SPIN1: variants seen among roughly 807,000 people sequenced by gnomAD.
SPIN1 encodes spindlin-1.
A neutral mutation model predicts 26.0 loss-of-function variants in SPIN1; 3 were observed. The ratio of observed to expected loss-of-function variants is 0.12; its 90% CI spans 0.05 to 0.30. The LOEUF (loss-of-function observed/expected upper bound fraction) is 0.30. Among genes scored for constraint, SPIN1 ranks in the 10% least tolerant of loss-of-function variants. The pLI is 1.00. For synonymous variants in SPIN1, 101 were observed against 116.5 expected (o/e 0.87, Z 0.86); for missense variants, 126 against 333.4 (o/e 0.38, Z 4.84).
chr9:88,447,375 A>C (rs538847098), intron 2 of SPIN1, among the ~76,000 whole-genome samples: 1 of 152,082 alleles, frequency 6.6e-6, no homozygotes, highest in Non-Finnish European at 1.5e-5. Flanking sequence ...ACAATCTGCT[A>C]CTTTTTTTTG....
At chr9:88,421,866 A>G (rs139523398) in intron 1 of SPIN1, among the ~76,000 whole-genome samples, 548 of 149,872 alleles carry the variant, frequency 3.7e-3, no homozygotes, top group Non-Finnish European at 6.3e-3. Context: ...GCTTGACTAG[A>G]TTTTTTTTTT....
chr9:88,390,029 AAAG>A (rs1396288803), intron 1 of SPIN1, among the ~76,000 whole-genome samples: 1 of 152,208 alleles, frequency 6.6e-6, no homozygotes, highest in Admixed American at 6.5e-5. Flanking sequence ...TTAAGGTTGT[AAAG>A]AATGTGTATG....
intron 1 of SPIN1, chr9:88,411,322 T>G: frequency 7.0e-7 from 1 of 1,434,602 alleles, no homozygotes; most frequent in Non-Finnish European, 9.7e-7. Context: ...TGTTTGGATC[T>G]CTCATTACCA....
At chr9:88,397,862 G>C (rs916361789) in intron 1 of SPIN1, among the ~76,000 whole-genome samples, 4 of 151,536 alleles carry the variant, frequency 2.6e-5, no homozygotes, top group Admixed American at 2.0e-4. Context: ...GACCTCAAGT[G>C]ATCTGCCCTC....
At chr9:88,420,264 C>G (rs1827644897) in intron 1 of SPIN1, among the ~76,000 whole-genome samples, 1 of 152,172 alleles carries the variant, frequency 6.6e-6, no homozygotes, top group Non-Finnish European at 1.5e-5. Context: ...AATCCCAGCT[C>G]CTCGGAAGGC....
chr9:88,423,671 C>A (rs1312860347), intron 1 of SPIN1, among the ~76,000 whole-genome samples: 1 of 151,818 alleles, frequency 6.6e-6, no homozygotes. Flanking sequence ...CCACCTCGGT[C>A]CCCCAAAGTG....
chr9:88,447,441 G>A (rs1002066780), intron 2 of SPIN1, among the ~76,000 whole-genome samples: 48 of 152,048 alleles, frequency 3.2e-4, no homozygotes, highest in African/African-American at 1.1e-3. Context: ...GTTGAGTGTT[G>A]GGACTTTGTT....
At chr9:88,465,918 T>G (rs552663531) in intron 4 of SPIN1, among the ~76,000 whole-genome samples, 1 of 152,340 alleles carries the variant, frequency 6.6e-6, no homozygotes, top group African/African-American at 2.4e-5. Context: ...AAAGCAGATA[T>G]GAGAATCTAC....
chr9:88,404,873 G>T (rs998757661), intron 1 of SPIN1, among the ~76,000 whole-genome samples: 4 of 148,050 alleles, frequency 2.7e-5, no homozygotes, highest in Non-Finnish European at 5.9e-5. Flanking sequence ...CCGAGATCGT[G>T]CCATTGCACT....
chr9:88,477,008 C>T lies in SPIN1; in HGVS notation c.*1731C>T, dbSNP rs1018337911. The T allele has an allele frequency of 6.6e-6, 1 of 152,196 alleles. No individual in the cohort carries two copies. The highest frequency in any genetic ancestry group is 1.5e-5 in the Non-Finnish European group (1 of 68,048). 9.4% of individuals were successfully genotyped at this position (152,196 alleles called of 1,614,324 possible). ...TGGTAACGACCACTCACCATGTAAA[C>T]ACAGTACCTCAGTTTTCTGTCCACA... On this transcript the variant is annotated 3_prime_UTR_variant, in exon 6 of 6. Transcript: ENST00000375859.
At chr9:88,394,973 C>A (rs1827022720) in intron 1 of SPIN1, among the ~76,000 whole-genome samples, 1 of 151,852 alleles carries the variant, frequency 6.6e-6, no homozygotes, top group Admixed American at 6.6e-5. Flanking sequence ...CCACGCCCGG[C>A]TAATTTTTGT....
chr9:88,423,037 C>T lies in SPIN1; in HGVS notation c.-158-3345C>T, dbSNP rs149570942. On this transcript the variant is annotated intron_variant, in intron 1 of 5. Coordinates refer to ENST00000375859, the MANE Select transcript of SPIN1 (RefSeq NM_006717.3). ...GGAAGGACTCTTATCTGGAGTTTTG[C>T]GTTCTAATATTATTCAAATAGCCAC... 2.0e-5 allele frequency among the ~76,000 whole-genome samples: 3 copies of T among 152,236 alleles called. No homozygotes were observed. The East Asian group carries it at 5.8e-4, about 29-fold the overall frequency.
At chr9:88,473,218 C>A (rs927786516) in intron 5 of SPIN1, among the ~76,000 whole-genome samples, 24 of 150,742 alleles carry the variant, frequency 1.6e-4, no homozygotes, top group Non-Finnish European at 2.4e-4. Flanking sequence ...TATGGTGAAA[C>A]CCCGTCTCTA....
intron 1 of SPIN1, chr9:88,411,079 G>T: frequency 6.4e-7 from 1 of 1,554,080 alleles, no homozygotes; most frequent in South Asian, 1.1e-5. Flanking sequence ...CAGTTTTTCA[G>T]AACTGTTTAA....
chr9:88,470,285 A>G (rs559187108), intron 5 of SPIN1, among the ~76,000 whole-genome samples: 93 of 152,330 alleles, frequency 6.1e-4, no homozygotes, highest in African/African-American at 9.4e-4. Context: ...ACATTTTTGT[A>G]CAAGTTTCTG....
At chr9:88,471,862 A>G (rs1028243500) in intron 5 of SPIN1, among the ~76,000 whole-genome samples, 1 of 150,744 alleles carries the variant, frequency 6.6e-6, no homozygotes, top group Admixed American at 6.6e-5. Context: ...AGACAGTCGC[A>G]CTCTGTTGCT....
Position 88,398,900 on chromosome 9 carries a change from A to T in SPIN1, c.-159+10362A>T, listed in dbSNP as rs570220296. ...TTTTAATTGTAATATTTTTTTCAGG[A>T]TCACATAAGGTTTAGAAAAATGAAA... is the stretch of plus-strand genomic sequence containing the variant. On this transcript the variant is annotated intron_variant, in intron 1 of 5. Transcript: ENST00000375859. 1.3e-4 allele frequency among the ~76,000 whole-genome samples: 19 copies of T among 150,692 alleles called. No homozygotes were observed. In the South Asian group the frequency reaches 2.5e-3, roughly 20 times the overall value.
At chr9:88,397,646 C>T (rs62580709) in intron 1 of SPIN1, among the ~76,000 whole-genome samples, 2 of 150,938 alleles carry the variant, frequency 1.3e-5, no homozygotes, top group East Asian at 3.9e-4. Flanking sequence ...TTTTTTTCCC[C>T]AGTCTTGCTC....
chr9:88,435,261 G>A (rs981718547), intron 2 of SPIN1, among the ~76,000 whole-genome samples: 15 of 151,264 alleles, frequency 9.9e-5, no homozygotes, highest in Non-Finnish European at 2.2e-4. Context: ...CGTCACCCAG[G>A]CTGGAGAGCA....
Sources: gnomAD v4.1 joint callset for allele counts (sites outside exome capture counted in the v4.1 genomes callset) on GRCh38, gnomAD v4.1.1 for gene constraint, MANE v1.5 for transcripts, NCBI Gene and HGNC (gene_info 2026-07-23, HGNC 2026-07-21) for gene names.